Variants in RAPH1 observed in about 807,000 individuals in gnomAD.
The protein encoded by RAPH1 is Ras association (RalGDS/AF-6) and pleckstrin homology domains 1, also known as ras-associated and pleckstrin homology domains-containing protein 1.
Under a neutral mutation model 88.1 loss-of-function variants are expected in RAPH1, and 18 were observed. The ratio of observed to expected loss-of-function variants is 0.20; its 90% CI spans 0.14 to 0.30. The LOEUF (loss-of-function observed/expected upper bound fraction) is 0.30. Among genes scored for constraint, RAPH1 ranks in the 10% least tolerant of loss-of-function variants. The pLI is 1.00. For missense variants in RAPH1, 1,448 were observed against 1,543.2 expected (o/e 0.94, Z 1.03); for synonymous variants, 587 against 559.0 (o/e 1.05, Z -0.71).
intron 1 of RAPH1, among the ~76,000 whole-genome samples, chr2:203,513,457 C>T (rs1331478726): frequency 7.5e-6 from 1 of 133,724 alleles, no homozygotes; most frequent in Non-Finnish European, 1.6e-5. Context: ...CAGGTTCATG[C>T]CATTCTCCTG....
chr2:203,512,317 C>A (rs543616855), intron 1 of RAPH1, among the ~76,000 whole-genome samples: 271 of 142,900 alleles, frequency 1.9e-3, no homozygotes, highest in Non-Finnish European at 3.4e-3. Flanking sequence ...GATTGTGCCA[C>A]TGCACTCCAG....
chr2:203,503,376 G>C (rs1688831842), intron 1 of RAPH1, among the ~76,000 whole-genome samples: 1 of 152,132 alleles, frequency 6.6e-6, no homozygotes, highest in African/African-American at 2.4e-5. Context: ...GGCTGGGAGG[G>C]CCTCAGAATC....
chr2:203,514,991 T>C lies in RAPH1; in HGVS notation c.1-19638A>G, dbSNP rs566745433. ...CAGAATAATGCTGCCATATTTATTA[T>C]GTGGTTTTGCATTCCCAATCTCTCC... On this transcript the variant is annotated intron_variant, in intron 1 of 13. Transcript: ENST00000319170. Among the ~76,000 whole-genome samples, 5 of 152,314 alleles carry C rather than the reference T, an allele frequency of 3.3e-5. 1 individual carries two copies. In the South Asian group the frequency reaches 1.0e-3, roughly 32 times the overall value.
intron 1 of RAPH1, among the ~76,000 whole-genome samples, chr2:203,495,891 C>T (rs888691190): frequency 9.8e-5 from 15 of 152,358 alleles, no homozygotes; most frequent in Non-Finnish European, 2.1e-4. Flanking sequence ...CTCCTACCCT[C>T]ACTTTCTATC....
At chr2:203,458,437 C>T (rs546675306) in intron 7 of RAPH1, among the ~76,000 whole-genome samples, 113 of 152,204 alleles carry the variant, frequency 7.4e-4, no homozygotes, top group Middle Eastern at 3.4e-3. Flanking sequence ...CCCTTGTTGT[C>T]CATAGGAGAT....
At chr2:203,531,893 T>C (rs748726174) in intron 1 of RAPH1, among the ~76,000 whole-genome samples, 2 of 152,072 alleles carry the variant, frequency 1.3e-5, no homozygotes, top group African/African-American at 4.8e-5. Flanking sequence ...TCTGGGTGTA[T>C]AGAAATACTG....
intron 10 of RAPH1, among the ~76,000 whole-genome samples, chr2:203,449,400 A>G (rs1482389325): frequency 6.6e-6 from 1 of 152,204 alleles, no homozygotes; most frequent in East Asian, 1.9e-4. Flanking sequence ...ACCAAACTGC[A>G]GGGCTGCAGC....
At chr2:203,442,916 G>A (rs898370015) in intron 13 of RAPH1, 2 of 152,112 alleles carry the variant, frequency 1.3e-5, no homozygotes, top group Non-Finnish European at 2.9e-5. Flanking sequence ...TTAGCCATCC[G>A]AATTCTGTAA....
chr2:203,506,848 ATCTATATC>A (rs1559494780), intron 1 of RAPH1, among the ~76,000 whole-genome samples: 11 of 38,212 alleles, frequency 2.9e-4, no homozygotes, highest in East Asian at 1.4e-3. Context: ...CTATATATCT[ATCTATATC>A]TATATATATA....
At chr2:203,476,222 T>A (rs1687436874) in intron 4 of RAPH1, among the ~76,000 whole-genome samples, 2 of 152,146 alleles carry the variant, frequency 1.3e-5, no homozygotes, top group Non-Finnish European at 2.9e-5. Context: ...TGGTGTGATC[T>A]TGGCTCACTG....
intron 4 of RAPH1, among the ~76,000 whole-genome samples, chr2:203,462,490 TAAG>T (rs1209165949): frequency 1.3e-5 from 2 of 152,184 alleles, no homozygotes; most frequent in Admixed American, 1.3e-4. Flanking sequence ...AATACAAATA[TAAG>T]AAGCTGCCTT....
intron 10 of RAPH1, among the ~76,000 whole-genome samples, chr2:203,449,840 C>A (rs766330557): frequency 6.6e-6 from 1 of 151,874 alleles, no homozygotes; most frequent in Non-Finnish European, 1.5e-5. Context: ...CTGACCAACA[C>A]GGTGAAACCC....
At chr2:203,447,360 A>G (rs2098510896) in intron 12 of RAPH1, 1 of 152,176 alleles carries the variant, frequency 6.6e-6, no homozygotes, top group East Asian at 1.9e-4. Context: ...GCACTAGGAA[A>G]TGTATGTGTA....
At chr2:203,475,337 G>A (rs187428264) in intron 4 of RAPH1, among the ~76,000 whole-genome samples, 72 of 152,250 alleles carry the variant, frequency 4.7e-4, no homozygotes, top group African/African-American at 1.7e-3. Context: ...AACCTGGGAG[G>A]TGGAGCTTGC....
chr2:203,484,953 T>C (rs760225571), intron 4 of RAPH1, among the ~76,000 whole-genome samples: 4 of 152,064 alleles, frequency 2.6e-5, no homozygotes, highest in East Asian at 1.9e-4. Context: ...GGCCCATAAA[T>C]AGCTCATTGT....
At chr2:203,441,606 G>A in intron 13 of RAPH1, 193 bp from the exon 14 acceptor site, 7 of 1,340,638 alleles carry the variant, frequency 5.2e-6, no homozygotes, top group South Asian at 2.2e-5. Flanking sequence ...CGGGCAAGAA[G>A]GAAACAGAAA....
At chr2:203,470,342 A>G (rs1437727538) in intron 4 of RAPH1, 1 of 1,504,446 alleles carries the variant, frequency 6.6e-7, no homozygotes, top group Admixed American at 1.8e-5. Flanking sequence ...AAACAAACAA[A>G]AAAAGGCAAT....
chr2:203,439,321 G>C lies in RAPH1; in HGVS notation c.*116C>G. On this transcript the variant is annotated 3_prime_UTR_variant, in exon 14 of 14. Coordinates refer to ENST00000319170, the MANE Select transcript of RAPH1 (RefSeq NM_213589.3). ...ACACACACACATACACATATAGCTG[G>C]ACACTACCTGAATAACATCATACCA... The C allele has an allele frequency of 1.1e-6, 1 of 917,736 alleles. No individual in the cohort carries two copies. Among genetic ancestry groups the C allele is most frequent in the East Asian group, 2.4e-5 (1 of 41,056 alleles). The allele number at this position is 917,736 out of a possible 1,614,324, so 56.8% of individuals were successfully genotyped here. A position where few individuals can be genotyped will look rare whatever the true frequency, so the allele number is the denominator to read the frequency against.
At chr2:203,518,155 T>C (rs940359647) in intron 1 of RAPH1, among the ~76,000 whole-genome samples, 3 of 151,942 alleles carry the variant, frequency 2.0e-5, no homozygotes, top group Non-Finnish European at 4.4e-5. Context: ...AGAACACAAA[T>C]TACCAATATC....
Sources: allele counts gnomAD v4.1 joint callset (sites outside exome capture counted in the v4.1 genomes callset), GRCh38; gene constraint gnomAD v4.1.1; transcripts MANE v1.5; gene names NCBI Gene and HGNC (gene_info 2026-07-23, HGNC 2026-07-21).